ZFHX3: variants seen among roughly 807,000 people sequenced by gnomAD.
ZFHX3 encodes zinc finger homeobox protein 3.
ZFHX3 carries 42 observed loss-of-function variants against 279.1 expected under a neutral mutation model. That is an observed-to-expected ratio of 0.15 (90% CI 0.12 to 0.19). ZFHX3 has a LOEUF of 0.19. ZFHX3 is among the 10% of genes least tolerant of loss of function. ZFHX3 has a pLI of 1.00. For missense variants in ZFHX3, 4,981 were observed against 4,754.0 expected (o/e 1.05, Z -1.40); for synonymous variants, 2,293 against 1,957.8 (o/e 1.17, Z -4.52).
intron 5 of ZFHX3, among the ~76,000 whole-genome samples, chr16:73,188,955 C>G (rs1221915360): frequency 1.3e-5 from 2 of 151,658 alleles, no homozygotes; most frequent in Non-Finnish European, 2.9e-5. Context: ...CCTCCGCCTC[C>G]TGGGTTCAAG....
chr16:72,910,553 T>C (rs2039291855), intron 3 of ZFHX3, among the ~76,000 whole-genome samples: 1 of 152,196 alleles, frequency 6.6e-6, no homozygotes, highest in South Asian at 2.1e-4. Context: ...ACAGCTCAAA[T>C]GATTCTCATA....
chr16:73,433,016 A>T (rs560597881), intron 3 of ZFHX3, among the ~76,000 whole-genome samples: 1 of 152,330 alleles, frequency 6.6e-6, no homozygotes, highest in Admixed American at 6.5e-5. Context: ...GCCAAGCCAC[A>T]GGAGGGAGAG....
Position 72,906,395 on chromosome 16 carries a change from G to A in ZFHX3, c.3217-16433C>T, listed in dbSNP as rs563575677. Among the ~76,000 whole-genome samples the A allele has an allele frequency of 2.0e-5, 3 of 151,984 alleles. No homozygotes were observed. The South Asian group carries it at 6.2e-4, about 32-fold the overall frequency. On this transcript the variant is annotated intron_variant, in intron 3 of 9. Coordinates refer to ENST00000268489, the MANE Select transcript of ZFHX3 (RefSeq NM_006885.4). The stretch of plus-strand genomic sequence containing the variant: ...TCGCACTGGGGGGGCATGGGACCGG[G>A]GTGGGGAGCATCGCCAATCTTATTC...
At chr16:72,951,869 G>A (rs1010262001) in intron 2 of ZFHX3, among the ~76,000 whole-genome samples, 1 of 152,202 alleles carries the variant, frequency 6.6e-6, no homozygotes, top group Non-Finnish European at 1.5e-5. Flanking sequence ...TGCAACTACG[G>A]AACTGAATTT....
intron 1 of ZFHX3, chr16:73,815,928 AGAT>A (rs1383571804): frequency 1.1e-4 from 16 of 152,186 alleles, no homozygotes; most frequent in Admixed American, 3.3e-4. Flanking sequence ...ACTACGATGA[AGAT>A]GACATCATCA....
At chr16:73,143,279 G>C (rs1422566130) in intron 6 of ZFHX3, among the ~76,000 whole-genome samples, 1 of 152,078 alleles carries the variant, frequency 6.6e-6, no homozygotes, top group African/African-American at 2.4e-5. Flanking sequence ...ACCCCGAGAA[G>C]AGAAGAGAAC....
At chr16:73,759,611 G>A (rs1328989989) in intron 1 of ZFHX3, among the ~76,000 whole-genome samples, 1 of 152,170 alleles carries the variant, frequency 6.6e-6, no homozygotes, top group African/African-American at 2.4e-5. Context: ...TTTTAGGTGA[G>A]ATAAACTCTT....
intron 1 of ZFHX3, among the ~76,000 whole-genome samples, chr16:73,035,229 G>C (rs1011486194): frequency 1.3e-5 from 2 of 152,144 alleles, no homozygotes; most frequent in African/African-American, 4.8e-5. Context: ...TAACCTTTTG[G>C]ATATACTGGG....
intron 1 of ZFHX3, among the ~76,000 whole-genome samples, chr16:73,791,067 T>G (rs559769219): frequency 6.6e-6 from 1 of 152,178 alleles, no homozygotes; most frequent in Admixed American, 6.5e-5. Flanking sequence ...TGGACTCAAG[T>G]GATCCTCCCT....
At chr16:73,504,856 T>C (rs941992791) in intron 2 of ZFHX3, 1 of 151,644 alleles carries the variant, frequency 6.6e-6, no homozygotes, top group African/African-American at 2.4e-5. Context: ...AGAGGATGCT[T>C]GGGTTGTTGA....
chr16:73,017,245 A>T (rs567359182), intron 1 of ZFHX3, among the ~76,000 whole-genome samples: 1 of 151,996 alleles, frequency 6.6e-6, no homozygotes, highest in Non-Finnish European at 1.5e-5. Context: ...AAAAAAAAAA[A>T]AAAGGCAAAA....
chr16:73,274,110 C>T (rs1232264995), intron 4 of ZFHX3, among the ~76,000 whole-genome samples: 1 of 152,160 alleles, frequency 6.6e-6, no homozygotes, highest in Non-Finnish European at 1.5e-5. Context: ...CACCACTGCA[C>T]TCCAGCCTGG....
At chr16:73,014,036 G>T (rs1182834406) in intron 1 of ZFHX3, among the ~76,000 whole-genome samples, 1 of 152,172 alleles carries the variant, frequency 6.6e-6, no homozygotes, top group Non-Finnish European at 1.5e-5. Context: ...TGCAATCACA[G>T]GGGTCCTTAC....
rs973061807 is a variant in ZFHX3, at chr16:73,286,239, A to G, written c.-1193-29103T>C. On this transcript the variant is annotated intron_variant, in intron 4 of 17. Transcript: ENST00000641206. ...ACACCCATACAAATAAATAATAAAAACAGTAATGGAACAACGGCCCCAGAG... is the reference window on the plus strand; with the variant it reads ...ACACCCATACAAATAAATAATAAAAGCAGTAATGGAACAACGGCCCCAGAG... Among the ~76,000 whole-genome samples, 4 of 152,134 alleles carry G rather than the reference A, an allele frequency of 2.6e-5. 1 individual carries two copies. Among genetic ancestry groups the G allele is most frequent in the Admixed American group, 6.5e-5 (1 of 15,270 alleles).
chr16:73,236,716 C>A (rs1395694670), intron 5 of ZFHX3, among the ~76,000 whole-genome samples: 2 of 152,122 alleles, frequency 1.3e-5, no homozygotes, highest in South Asian at 2.1e-4. Context: ...GATCTACATC[C>A]ATTTTAAAAA....
intron 8 of ZFHX3, among the ~76,000 whole-genome samples, chr16:73,065,898 G>T (rs908556062): frequency 1.3e-5 from 2 of 152,218 alleles, no homozygotes; most frequent in Admixed American, 1.3e-4. Context: ...CCCATTCTCA[G>T]AAATAGAGAA....
intron 1 of ZFHX3, among the ~76,000 whole-genome samples, chr16:73,888,272 G>A (rs1457582172): frequency 1.3e-5 from 2 of 152,264 alleles, no homozygotes; most frequent in East Asian, 1.9e-4. Flanking sequence ...CATAAATTGT[G>A]CTCATTCATT....
At chr16:73,847,172 A>C (rs540491334) in intron 1 of ZFHX3, among the ~76,000 whole-genome samples, 8 of 152,304 alleles carry the variant, frequency 5.3e-5, no homozygotes, top group African/African-American at 1.9e-4. Flanking sequence ...ATGGAGGCGC[A>C]GGCCTGCAAT....
chr16:73,393,216 T>C (rs1467850992), intron 3 of ZFHX3, among the ~76,000 whole-genome samples: 1 of 152,196 alleles, frequency 6.6e-6, no homozygotes, highest in East Asian at 1.9e-4. Context: ...CCCCAAATGT[T>C]GGGATTACAG....
Sources: gnomAD v4.1 joint callset for allele counts (sites outside exome capture counted in the v4.1 genomes callset) on GRCh38, gnomAD v4.1.1 for gene constraint, MANE v1.5 for transcripts, NCBI Gene and HGNC (gene_info 2026-07-23, HGNC 2026-07-21) for gene names.